IBA57: variants seen among roughly 807,000 people sequenced by gnomAD.
IBA57 encodes iron-sulfur cluster assembly factor IBA57, mitochondrial.
In IBA57, 20 loss-of-function variants were observed where a neutral mutation model predicts 20.4. The observed-to-expected ratio is 0.98, with a 90% confidence interval of 0.69 to 1.42. The LOEUF is 1.42. IBA57 is among the 40% of genes most tolerant of loss of function. The pLI is 0.00. For missense variants in IBA57, 608 were observed against 499.3 expected, an observed-to-expected ratio of 1.22 and a Z score of -2.07; for synonymous variants, 310 against 233.9, an observed-to-expected ratio of 1.33 and a Z score of -2.97.
At position 228,181,743 on chromosome 1, in the gene IBA57, T is replaced by C. The variant is rs2035114872; in HGVS notation, c.*6230T>C. The C allele has an allele frequency of 6.6e-6, 1 of 152,276 alleles. No homozygotes were observed. Among genetic ancestry groups the C allele is most frequent in the Non-Finnish European group, 1.5e-5 (1 of 68,050 alleles). 9.4% of individuals were successfully genotyped at this position (152,276 alleles called of 1,614,324 possible). A position where few individuals can be genotyped will look rare whatever the true frequency, so the allele number is the denominator to read the frequency against. ...TCCCACCAGAAGTGTGCCAGGTTCT[T>C]GTCATACTGCGTCCTCGCCAGCGCT... On this transcript the variant is annotated 3_prime_UTR_variant, in exon 3 of 3. Transcript: ENST00000366711.
chr1:228,166,882 G>A (rs2034861092), intron 1 of IBA57, among the ~76,000 whole-genome samples: 1 of 152,144 alleles, frequency 6.6e-6, no homozygotes, highest in Non-Finnish European at 1.5e-5. Flanking sequence ...CCCGGTTCTT[G>A]TTCTCTTCAG....
Position 228,165,957 on chromosome 1 carries a change from C to A in IBA57, c.141C>A (p.Ala47=), listed in dbSNP as rs771211358. ...GTGGCGACCCAACGGCCGGAGCGGC[C>A]TGGGCCTGCTTCCGGCTGGACGGGC... ...SPGGDPTAGA[A]WACFRLDGRT... The change falls in exon 1 of 3, where the codon GCC becomes GCA. Residue 47 remains alanine (A), a synonymous_variant. Coordinates refer to ENST00000366711, the MANE Select transcript of IBA57 (RefSeq NM_001010867.4). The A allele has an allele frequency of 2.0e-6, 3 of 1,513,570 alleles. No individual in the cohort carries two copies. Among genetic ancestry groups the A allele is most frequent in the African/African-American group, 1.4e-5 (1 of 69,884 alleles). The allele number at this position is 1,513,570 out of a possible 1,614,324, so 93.8% of individuals were successfully genotyped here.
intron 1 of IBA57, among the ~76,000 whole-genome samples, chr1:228,174,130 T>G (rs943292834): frequency 2.0e-5 from 3 of 151,314 alleles, no homozygotes; most frequent in African/African-American, 7.3e-5. Context: ...CGTGGCTCGC[T>G]GTGGGCGTGG....
intron 1 of IBA57, among the ~76,000 whole-genome samples, chr1:228,166,716 C>G (rs920658414): frequency 2.6e-5 from 4 of 152,222 alleles, no homozygotes; most frequent in Admixed American, 2.0e-4. Flanking sequence ...GCTGACATCA[C>G]GACTGTCAGT....
intron 1 of IBA57, among the ~76,000 whole-genome samples, chr1:228,166,445 T>C (rs1461414751): frequency 6.6e-6 from 1 of 152,020 alleles, no homozygotes; most frequent in Non-Finnish European, 1.5e-5. Context: ...CACCCAGGGA[T>C]GGGTCAGCGA....
chr1:228,171,908 TTTG>T (rs1389994622), intron 1 of IBA57: 5 of 152,300 alleles, frequency 3.3e-5, no homozygotes, highest in African/African-American at 9.7e-5. Flanking sequence ...TCACCTGTGT[TTTG>T]GTCCATCTTT....
In IBA57 at chr1:228,175,222, C is replaced by T. The variant is rs202126055; in HGVS notation, c.780C>T (p.Tyr260=). The T allele has an allele frequency of 3.1e-4, 493 of 1,612,906 alleles. 2 individuals are homozygous for T. In the Middle Eastern group the frequency reaches 7.4e-3, roughly 24 times the overall value. ...MNGVSFTKGC[Y]IGQELTARTH... is the part of the protein sequence containing the mutation. ...GCGTGAGCTTCACCAAAGGCTGCTA[C>T]ATTGGCCAGGAGCTGACGGCCCGCA... Residue 260 remains tyrosine, a synonymous_variant, in exon 3 of 3, where the codon TAC becomes TAT. Coordinates refer to ENST00000366711, the MANE Select transcript of IBA57 (RefSeq NM_001010867.4).
rs2035097545 is a variant in IBA57, at chr1:228,180,767, C to T, written c.*5254C>T. The T allele has an allele frequency of 6.6e-6, 1 of 151,830 alleles. No individual in the cohort carries two copies. The highest frequency in any genetic ancestry group is 6.6e-5 in the Admixed American group (1 of 15,236). 9.4% of individuals were successfully genotyped at this position (151,830 alleles called of 1,614,324 possible). ...GCTCAGATGATTCTCCTGCCTCAGCCTCCTGAGTAGCAGGAACTACAGGTG... is the reference window on the plus strand; with the variant it reads ...GCTCAGATGATTCTCCTGCCTCAGCTTCCTGAGTAGCAGGAACTACAGGTG... On this transcript the variant is annotated 3_prime_UTR_variant, in exon 3 of 3. Coordinates refer to ENST00000366711, the MANE Select transcript of IBA57 (RefSeq NM_001010867.4).
chr1:228,166,959 G>A (rs2034862081), intron 1 of IBA57, among the ~76,000 whole-genome samples: 1 of 152,176 alleles, frequency 6.6e-6, no homozygotes, highest in Non-Finnish European at 1.5e-5. Flanking sequence ...TACGTGGGGT[G>A]AATTTTTGGA....
In IBA57 at chr1:228,166,141, G is replaced by A; in HGVS notation, c.325G>A (p.Asp109Asn). The A allele has an allele frequency of 6.6e-7, 1 of 1,520,798 alleles. No homozygotes were observed. Among genetic ancestry groups the A allele is most frequent in the Non-Finnish European group, 8.8e-7 (1 of 1,135,516 alleles). The allele number at this position is 1,520,798 out of a possible 1,614,324, so 94.2% of individuals were successfully genotyped here. A position where few individuals can be genotyped will look rare whatever the true frequency, so the allele number is the denominator to read the frequency against. ...FLNVQGRTLY[D>N]VILYGLQEHS... is the part of the protein sequence containing the mutation. ...GAACGTGCAGGGCCGGACGCTCTATGACGTCATCTTGTACGGGTGAGCGCG... is the reference window on the plus strand; with the variant it reads ...GAACGTGCAGGGCCGGACGCTCTATAACGTCATCTTGTACGGGTGAGCGCG... The change falls in exon 1 of 3, where the codon GAC becomes AAC. Residue 109 changes from aspartate to asparagine, a missense_variant. Coordinates refer to ENST00000366711, the MANE Select transcript of IBA57 (RefSeq NM_001010867.4).
chr1:228,172,385 C>T (rs2034942486), intron 1 of IBA57: 1 of 152,256 alleles, frequency 6.6e-6, no homozygotes, highest in Non-Finnish European at 1.5e-5. Flanking sequence ...AAAACCTGTT[C>T]TCAGCTGTAA....
In IBA57 at chr1:228,177,228, C is replaced by G. The variant is rs2035041011; in HGVS notation, c.*1715C>G. ...GCCTCGAGCTCAAAGTGTCCCGGCT[C>G]TGTCATCTGCCTGAAGTTGCCTGGC... On this transcript the variant is annotated 3_prime_UTR_variant, in exon 3 of 3. Transcript: ENST00000366711. 6.6e-6 allele frequency: 1 copy of G among 152,422 alleles called. No individual in the cohort carries two copies. Among genetic ancestry groups the G allele is most frequent in the African/African-American group, 2.4e-5 (1 of 41,458 alleles). The allele number at this position is 152,422 out of a possible 1,614,324, so 9.4% of individuals were successfully genotyped here. A position where few individuals can be genotyped will look rare whatever the true frequency, so the allele number is the denominator to read the frequency against.
rs1558126415 is a variant in IBA57, at chr1:228,175,168, C to G, written c.726C>G (p.Pro242=). The change falls in exon 3 of 3, where the codon CCC becomes CCG. Residue 242 remains proline, a synonymous_variant. Coordinates refer to ENST00000366711, the MANE Select transcript of IBA57 (RefSeq NM_001010867.4). ...ACTTGCCTCCTGGGGTGGCCCTGCC[C>G]CTGGAGTCCAACCTGGCCTTCATGA... ...VRDLPPGVAL[P]LESNLAFMNG... is the part of the protein sequence containing the mutation. 2.5e-6 allele frequency: 4 copies of G among 1,612,780 alleles called. No individual in the cohort carries two copies. Among genetic ancestry groups the G allele is most frequent in the East Asian group, 2.2e-5 (1 of 44,876 alleles).
At chr1:228,173,611 T>C (rs2034957731) in intron 1 of IBA57, 1 of 152,712 alleles carries the variant, frequency 6.5e-6, no homozygotes, top group South Asian at 2.1e-4. Flanking sequence ...AGGCATGCTG[T>C]ACCTCCCTGA....
At position 228,165,936 on chromosome 1, in the gene IBA57, C is replaced by G. The variant is rs886469840; in HGVS notation, c.120C>G (p.Gly40=). The change falls in exon 1 of 3, where the codon GGC becomes GGG. Residue 40 remains glycine (G), a synonymous_variant. Transcript: ENST00000366711. Reference sequence around the variant, plus strand: ...CCCACAGCTCCTGCAGTCCTGGTGGCGACCCAACGGCCGGAGCGGCCTGGG... The same window carrying G: ...CCCACAGCTCCTGCAGTCCTGGTGGGGACCCAACGGCCGGAGCGGCCTGGG... ...RLAHSSCSPG[G]DPTAGAAWAC... is the part of the protein sequence containing the mutation. 6.7e-7 allele frequency: 1 copy of G among 1,500,808 alleles called. No homozygotes were observed. Among genetic ancestry groups the G allele is most frequent in the Non-Finnish European group, 8.8e-7 (1 of 1,132,194 alleles). 93.0% of individuals were successfully genotyped at this position (1,500,808 alleles called of 1,614,324 possible). A position where few individuals can be genotyped will look rare whatever the true frequency, so the allele number is the denominator to read the frequency against.
Position 228,179,471 on chromosome 1 carries a change from A to C in IBA57, c.*3958A>C, listed in dbSNP as rs943097207. ...TGGAAAATATGAGATGGGATGAGAC[A>C]AGAAGATGGAGAGTTTAGTATGACA... On this transcript the variant is annotated 3_prime_UTR_variant, in exon 3 of 3. Coordinates refer to ENST00000366711, the MANE Select transcript of IBA57 (RefSeq NM_001010867.4). 1.7e-4 allele frequency: 26 copies of C among 152,238 alleles called. No homozygotes were observed. The highest frequency in any genetic ancestry group is 5.8e-4 in the African/African-American group (24 of 41,460). 9.4% of individuals were successfully genotyped at this position (152,238 alleles called of 1,614,324 possible). A position where few individuals can be genotyped will look rare whatever the true frequency, so the allele number is the denominator to read the frequency against.
chr1:228,175,699 G>A lies in IBA57; in HGVS notation c.*186G>A, dbSNP rs1023454303. 4.0e-5 allele frequency: 26 copies of A among 655,568 alleles called. No homozygotes were observed. The highest frequency in any genetic ancestry group is 3.2e-4 in the South Asian group (12 of 36,998). The allele number at this position is 655,568 out of a possible 1,614,324, so 40.6% of individuals were successfully genotyped here. On this transcript the variant is annotated 3_prime_UTR_variant, in exon 3 of 3. Coordinates refer to ENST00000366711, the MANE Select transcript of IBA57 (RefSeq NM_001010867.4). ...ACCCATGCTCAGGGGCCCCAGGCAC[G>A]TGGGTTGTTTTCTCCCTGGACTTCC...
In IBA57 at chr1:228,177,191, A is replaced by C. The variant is rs1231273682; in HGVS notation, c.*1678A>C. On this transcript the variant is annotated 3_prime_UTR_variant, in exon 3 of 3. Coordinates refer to ENST00000366711, the MANE Select transcript of IBA57 (RefSeq NM_001010867.4). ...TGCATGAGGGGCATGCACCCCTGGAATGAGGGTCTGTGCCTCGAGCTCAAA... is the reference window on the plus strand; with the variant it reads ...TGCATGAGGGGCATGCACCCCTGGACTGAGGGTCTGTGCCTCGAGCTCAAA... 6.6e-6 allele frequency: 1 copy of C among 152,298 alleles called. No individual in the cohort carries two copies. 9.4% of individuals were successfully genotyped at this position (152,298 alleles called of 1,614,324 possible).
intron 1 of IBA57, 60 bp downstream of exon 1, chr1:228,166,217 G>T: frequency 1.9e-6 from 2 of 1,049,652 alleles, no homozygotes; most frequent in Non-Finnish European, 1.2e-6. Context: ...CCAGGGACCG[G>T]CACCCAGGGA....
Sources: allele counts gnomAD v4.1 joint callset (sites outside exome capture counted in the v4.1 genomes callset), GRCh38; gene constraint gnomAD v4.1.1; transcripts MANE v1.5; gene names NCBI Gene and HGNC (gene_info 2026-07-23, HGNC 2026-07-21).